Variants in KIF20B observed in about 807,000 individuals in gnomAD.
KIF20B encodes the protein kinesin-like protein KIF20B.
Under a neutral mutation model 232.5 loss-of-function variants are expected in KIF20B, and 188 were observed. The ratio of observed to expected loss-of-function variants is 0.81; its 90% CI spans 0.72 to 0.91. KIF20B has a LOEUF of 0.91. Ranked by LOEUF, KIF20B falls within the 40% of genes least tolerant of loss-of-function variation. KIF20B has a pLI of 0.00. For synonymous variants in KIF20B, 712 were observed against 683.0 expected, an observed-to-expected ratio of 1.04 and a Z score of -0.66; for missense variants, 2,154 against 2,055.9, an observed-to-expected ratio of 1.05 and a Z score of -0.92.
chr10:89,761,077 G>C (rs1842228973), intron 28 of KIF20B, among the ~76,000 whole-genome samples: 1 of 152,048 alleles, frequency 6.6e-6, no homozygotes, highest in African/African-American at 2.4e-5. Flanking sequence ...GGATAATATA[G>C]AGATTCTTAG....
chr10:89,730,170 CCTTT>C (rs1348633839), intron 18 of KIF20B, among the ~76,000 whole-genome samples: 4 of 152,100 alleles, frequency 2.6e-5, no homozygotes, highest in Middle Eastern at 3.4e-3. Context: ...CTATAGTAGG[CCTTT>C]CTTTTGGTAT....
chr10:89,765,282 G>T (rs1376135589), intron 29 of KIF20B, among the ~76,000 whole-genome samples: 1 of 151,944 alleles, frequency 6.6e-6, no homozygotes. Context: ...ACTCCCATTC[G>T]CAATTGCTTC....
chr10:89,742,014 T>G (rs112099107), intron 21 of KIF20B, among the ~76,000 whole-genome samples: 1 of 152,130 alleles, frequency 6.6e-6, no homozygotes, highest in Non-Finnish European at 1.5e-5. Flanking sequence ...GTAAAGGGCT[T>G]CCTTTAAATG....
chr10:89,750,370 A>G lies in KIF20B; in HGVS notation c.4097-976A>G, dbSNP rs531912252. Among the ~76,000 whole-genome samples the G allele has an allele frequency of 2.0e-5, 3 of 152,318 alleles. No homozygotes were observed. In the East Asian group the frequency reaches 5.8e-4, roughly 29 times the overall value. On this transcript the variant is annotated intron_variant, in intron 23 of 32. Coordinates refer to ENST00000371728, the MANE Select transcript of KIF20B (RefSeq NM_001284259.2). ...TTTTGAAAGAGATTTATATGATAAT[A>G]TGAAGGTGACTTTAATCCTAGGAGG...
At position 89,762,649 on chromosome 10, in the gene KIF20B, A is replaced by G; in HGVS notation, c.4803A>G (p.Val1601=). The change falls in exon 29 of 33, where the codon GTA becomes GTG. Residue 1601 remains valine (V), a synonymous_variant. Transcript: ENST00000371728. ...ACATTCTGTTGTAGGATGGATCTGTAGTCCTTGACTCTTGTGAAGTGTCAA... is the reference window on the plus strand; with the variant it reads ...ACATTCTGTTGTAGGATGGATCTGTGGTCCTTGACTCTTGTGAAGTGTCAA... The part of the protein sequence containing the change: ...ISRNKIEDGS[V]VLDSCEVSTE... The G allele has an allele frequency of 6.2e-7, 1 of 1,611,738 alleles. No homozygotes were observed. The highest frequency in any genetic ancestry group is 8.5e-7 in the Non-Finnish European group (1 of 1,178,064).
chr10:89,749,276 C>T (rs1841979240), intron 23 of KIF20B, among the ~76,000 whole-genome samples: 1 of 152,150 alleles, frequency 6.6e-6, no homozygotes, highest in Admixed American at 6.5e-5. Context: ...AAAACTATAT[C>T]TTTAACTCTT....
At chr10:89,733,875 C>G (rs1207995276) in intron 19 of KIF20B, among the ~76,000 whole-genome samples, 4 of 152,138 alleles carry the variant, frequency 2.6e-5, no homozygotes, top group Admixed American at 2.0e-4. Flanking sequence ...ACAATTACAG[C>G]TTCCCAAGAA....
At chr10:89,748,331 A>C (rs10881656) in intron 23 of KIF20B, among the ~76,000 whole-genome samples, 20 of 151,932 alleles carry the variant, frequency 1.3e-4, no homozygotes, top group African/African-American at 4.8e-4. Context: ...TTTATAGATG[A>C]TACATATTTC....
chr10:89,757,201 G>A (rs1204620369), intron 26 of KIF20B, among the ~76,000 whole-genome samples: 2 of 151,572 alleles, frequency 1.3e-5, no homozygotes, highest in Non-Finnish European at 2.9e-5. Context: ...GTCCCACCAA[G>A]GTATGGTATT....
intron 26 of KIF20B, among the ~76,000 whole-genome samples, chr10:89,756,297 A>T (rs1248200476): frequency 1.3e-5 from 2 of 152,178 alleles, no homozygotes; most frequent in African/African-American, 4.8e-5. Flanking sequence ...TATACCTATC[A>T]CCCAACCTTC....
intron 18 of KIF20B, 34 bp from the exon 19 acceptor site, chr10:89,732,869 A>T: frequency 6.8e-7 from 1 of 1,476,134 alleles, no homozygotes; most frequent in African/African-American, 1.4e-5. Context: ...GTAGCTTTCT[A>T]TATGTGAATT....
At chr10:89,725,303 T>G in intron 15 of KIF20B, 145 bp downstream of exon 15, 1 of 765,968 alleles carries the variant, frequency 1.3e-6, no homozygotes, top group Admixed American at 3.3e-5. Context: ...GGCATGTTTT[T>G]TTAGAAGTGT....
At chr10:89,716,207 A>T (rs1196938829) in intron 8 of KIF20B, among the ~76,000 whole-genome samples, 3 of 151,896 alleles carry the variant, frequency 2.0e-5, no homozygotes, top group Non-Finnish European at 4.4e-5. Context: ...CGTTTGGCAG[A>T]CTCTGTTGAC....
At chr10:89,710,329 C>G (rs1347577094) in intron 5 of KIF20B, among the ~76,000 whole-genome samples, 2 of 151,184 alleles carry the variant, frequency 1.3e-5, no homozygotes, top group Non-Finnish European at 2.9e-5. Flanking sequence ...TCAGATGACT[C>G]TCCTGCCTGA....
Position 89,745,940 on chromosome 10 carries a change from G to C in KIF20B, c.4077G>C (p.Gln1359His), listed in dbSNP as rs748442622. The C allele has an allele frequency of 8.7e-6, 14 of 1,611,096 alleles. No homozygotes were observed. The African/African-American group carries it at 1.6e-4, about 18-fold the overall frequency. ...NNQKVEEAIQ[Q>H]YERACKDLNV... is the part of the protein sequence containing the mutation. ...AGAAAGTGGAAGAAGCTATACAACA[G>C]TATGAGAGAGCATGCAAAGGTCAGG... The change falls in exon 23 of 33, where the codon CAG becomes CAC. Residue 1359 changes from glutamine (Q) to histidine (H), a missense_variant. Transcript: ENST00000371728.
intron 8 of KIF20B, among the ~76,000 whole-genome samples, chr10:89,715,559 CAT>C (rs1301407771): frequency 6.6e-6 from 1 of 152,126 alleles, no homozygotes; most frequent in African/African-American, 2.4e-5. Flanking sequence ...GTAGGAAACA[CAT>C]ATTAATAACA....
In KIF20B at chr10:89,751,482, A is replaced by T; in HGVS notation, c.4222+11A>T. The T allele has an allele frequency of 6.3e-7, 1 of 1,590,568 alleles. No homozygotes were observed. On this transcript the variant is annotated intron_variant, in intron 24 of 32. Coordinates refer to ENST00000371728, the MANE Select transcript of KIF20B (RefSeq NM_001284259.2). The stretch of plus-strand genomic sequence containing the variant: ...AAAGGCTGGCCACAGGTAAAACAAG[A>T]TTGCTTACATTTCTCTAAATATACT...
At chr10:89,763,008 G>A (rs558158789) in intron 29 of KIF20B, among the ~76,000 whole-genome samples, 173 bp downstream of exon 29, 13 of 152,166 alleles carry the variant, frequency 8.5e-5, no homozygotes, top group African/African-American at 1.7e-4. Context: ...TGGGCCAGGC[G>A]TGGTGACTCA....
At chr10:89,753,225 A>G (rs1202404446) in intron 25 of KIF20B, among the ~76,000 whole-genome samples, 1 of 152,132 alleles carries the variant, frequency 6.6e-6, no homozygotes, top group Non-Finnish European at 1.5e-5. Flanking sequence ...GATTTACCAA[A>G]TACTATTTCA....
Sources: allele counts gnomAD v4.1 joint callset (sites outside exome capture counted in the v4.1 genomes callset), GRCh38; gene constraint gnomAD v4.1.1; transcripts MANE v1.5; gene names NCBI Gene and HGNC (gene_info 2026-07-23, HGNC 2026-07-21).